ITPR1: variants seen among roughly 807,000 people sequenced by gnomAD.
ITPR1 encodes the protein inositol 1,4,5-trisphosphate receptor type 1, also known as inositol 1,4,5-trisphosphate-gated calcium channel ITPR1.
In ITPR1, 96 loss-of-function variants were observed where a neutral mutation model predicts 318.4. The ratio of observed to expected loss-of-function variants is 0.30; its 90% CI spans 0.26 to 0.36. The LOEUF is 0.36. ITPR1 is among the 10% of genes least tolerant of loss of function. The pLI, the probability that ITPR1 is intolerant of heterozygous loss-of-function variation, is 1.00. For synonymous variants in ITPR1, 1,312 were observed against 1,289.9 expected (o/e 1.02, Z -0.37); for missense variants, 2,440 against 3,460.2 (o/e 0.71, Z 7.40).
chr3:4,596,797 T>C (rs535052276), intron 4 of ITPR1, among the ~76,000 whole-genome samples: 1 of 152,326 alleles, frequency 6.6e-6, no homozygotes, highest in South Asian at 2.1e-4. Flanking sequence ...ATGCTCATTA[T>C]ATAGGGCAAG....
chr3:4,653,726 G>T (rs1051403320), intron 11 of ITPR1, 116 bp from the exon 12 acceptor site: 7 of 680,426 alleles, frequency 1.0e-5, no homozygotes, highest in Non-Finnish European at 1.9e-5. Context: ...CAGAGGGAAT[G>T]GACAAGTTCT....
At chr3:4,687,454 C>G (rs1015538617) in intron 30 of ITPR1, among the ~76,000 whole-genome samples, 1 of 152,146 alleles carries the variant, frequency 6.6e-6, no homozygotes, top group Non-Finnish European at 1.5e-5. Context: ...CCAGGTCACA[C>G]AGCCAGGAAG....
intron 4 of ITPR1, among the ~76,000 whole-genome samples, chr3:4,593,720 A>G (rs62233664): frequency 0.068 from 10,294 of 152,292 alleles, 959 homozygotes; most frequent in East Asian, 0.39. Context: ...AGACATGATC[A>G]GATAAATGCT....
At chr3:4,604,972 A>AT (rs930231676) in intron 4 of ITPR1, among the ~76,000 whole-genome samples, 11 of 150,098 alleles carry the variant, frequency 7.3e-5, no homozygotes, top group South Asian at 4.2e-4. Flanking sequence ...GTAGCATGCT[A>AT]TTTTTTTTTG....
chr3:4,592,188 C>T (rs768242667), intron 4 of ITPR1, among the ~76,000 whole-genome samples: 15 of 152,196 alleles, frequency 9.9e-5, no homozygotes, highest in Non-Finnish European at 2.1e-4. Flanking sequence ...CCTGCCATAC[C>T]TGGGAATGCT....
rs138211687 is a variant in ITPR1 at position 4,664,828 on chromosome 3, T to C, written c.1555-310T>C. 7.6e-3 allele frequency among the ~76,000 whole-genome samples: 1,157 copies of C among 152,362 alleles called. 50 individuals are homozygous for C. Among genetic ancestry groups the C allele is most frequent in the Admixed American group, 0.068 (1,040 of 15,304 alleles). ...GGTTTACTTTGACTGTAATCTGTAC[T>C]GCTAGGGAGTAATAAAGGCTTGTGT... On this transcript the variant is annotated intron_variant, in intron 16 of 61. Coordinates refer to ENST00000649015, the MANE Select transcript of ITPR1 (RefSeq NM_001378452.1).
chr3:4,515,826 G>A (rs761176116), intron 2 of ITPR1, among the ~76,000 whole-genome samples: 3 of 152,142 alleles, frequency 2.0e-5, no homozygotes, highest in Non-Finnish European at 2.9e-5. Context: ...TGTCTAAAGG[G>A]TTTTCATCCT....
At chr3:4,519,935 G>C (rs304013) in intron 3 of ITPR1, among the ~76,000 whole-genome samples, 12,514 of 152,190 alleles carry the variant, frequency 0.082, 669 homozygotes, top group Non-Finnish European at 0.13. Context: ...GCTTGGTCGG[G>C]GGGGCTTTGT....
At chr3:4,562,162 G>A (rs1393603951) in intron 4 of ITPR1, among the ~76,000 whole-genome samples, 1 of 151,998 alleles carries the variant, frequency 6.6e-6, no homozygotes, top group East Asian at 1.9e-4. Context: ...GATTTGCGTT[G>A]GGCTGCATTC....
intron 4 of ITPR1, among the ~76,000 whole-genome samples, chr3:4,626,215 T>C (rs1276635500): frequency 6.6e-6 from 1 of 152,056 alleles, no homozygotes; most frequent in Non-Finnish European, 1.5e-5. Context: ...TGTGTATTTT[T>C]AAAAGTTACA....
intron 4 of ITPR1, among the ~76,000 whole-genome samples, chr3:4,527,637 C>G (rs984724770): frequency 5.3e-5 from 8 of 152,190 alleles, no homozygotes; most frequent in Non-Finnish European, 2.9e-5. Flanking sequence ...TGGAAGACCC[C>G]TGGTTCCTCA....
intron 4 of ITPR1, among the ~76,000 whole-genome samples, chr3:4,587,179 C>T (rs1159380734): frequency 6.6e-6 from 1 of 151,684 alleles, no homozygotes; most frequent in Non-Finnish European, 1.5e-5. Flanking sequence ...GATTCCGAAA[C>T]AGCCTGCTAT....
chr3:4,737,498 G>C (rs745566939), intron 44 of ITPR1, among the ~76,000 whole-genome samples: 4 of 152,174 alleles, frequency 2.6e-5, no homozygotes, highest in African/African-American at 2.4e-5. Flanking sequence ...AGCAGCAGTT[G>C]GGTTTCCAGA....
chr3:4,533,626 A>G (rs1444449876), intron 4 of ITPR1, among the ~76,000 whole-genome samples: 1 of 152,240 alleles, frequency 6.6e-6, no homozygotes, highest in Non-Finnish European at 1.5e-5. Flanking sequence ...CTTGTAAAAC[A>G]TCGATATGTC....
chr3:4,718,136 G>C (rs2041905964), intron 40 of ITPR1, among the ~76,000 whole-genome samples: 1 of 152,236 alleles, frequency 6.6e-6, no homozygotes, highest in South Asian at 2.1e-4. Flanking sequence ...TTTCTGTTTT[G>C]TGCATTTCTT....
chr3:4,669,041 C>T lies in ITPR1; in HGVS notation c.1887-613C>T, dbSNP rs189315523. Among the ~76,000 whole-genome samples the T allele has an allele frequency of 3.7e-4, 56 of 152,270 alleles. No homozygotes were observed. In the East Asian group the frequency reaches 9.6e-3, roughly 26 times the overall value. On this transcript the variant is annotated intron_variant, in intron 18 of 61. Transcript: ENST00000649015. ...GGTGTCACAAATGATTACAATGGAGCACGGACACAGTTGCTGTAAAAACAC... is the reference window on the plus strand; with the variant it reads ...GGTGTCACAAATGATTACAATGGAGTACGGACACAGTTGCTGTAAAAACAC...
chr3:4,622,914 A>G (rs1302299496), intron 4 of ITPR1, among the ~76,000 whole-genome samples: 1 of 152,240 alleles, frequency 6.6e-6, no homozygotes, highest in African/African-American at 2.4e-5. Flanking sequence ...AACAGACAGA[A>G]GTCTCTGCCT....
At chr3:4,520,439 T>C (rs2082471862) in intron 3 of ITPR1, among the ~76,000 whole-genome samples, 1 of 152,184 alleles carries the variant, frequency 6.6e-6, no homozygotes, top group Non-Finnish European at 1.5e-5. Flanking sequence ...TCTTTCCACC[T>C]GGAAACGCTC....
chr3:4,824,565 G>C (rs1204299794), intron 60 of ITPR1, among the ~76,000 whole-genome samples: 1 of 152,118 alleles, frequency 6.6e-6, no homozygotes, highest in Admixed American at 6.5e-5. Context: ...ATCTGGTTTG[G>C]ACTGGCGCAT....
Sources: gnomAD v4.1 joint callset for allele counts (sites outside exome capture counted in the v4.1 genomes callset) on GRCh38, gnomAD v4.1.1 for gene constraint, MANE v1.5 for transcripts, NCBI Gene and HGNC (gene_info 2026-07-23, HGNC 2026-07-21) for gene names.